RALGPS1: variants seen among roughly 807,000 people sequenced by gnomAD.
The protein encoded by RALGPS1 is Ral GEF with PH domain and SH3 binding motif 1.
In RALGPS1, 19 loss-of-function variants were observed where a neutral mutation model predicts 78.8. The observed-to-expected ratio is 0.24, with a 90% CI of 0.17 to 0.35. RALGPS1 has a LOEUF of 0.35. RALGPS1 is among the 10% of genes least tolerant of loss of function. The pLI, the probability that RALGPS1 is intolerant of heterozygous loss-of-function variation, is 1.00. For synonymous variants in RALGPS1, 228 were observed against 256.3 expected, an observed-to-expected ratio of 0.89 and a Z score of 1.06; for missense variants, 454 against 688.3, an observed-to-expected ratio of 0.66 and a Z score of 3.81.
intron 8 of RALGPS1, among the ~76,000 whole-genome samples, chr9:127,097,576 G>T (rs2053275494): frequency 6.6e-6 from 1 of 152,226 alleles, no homozygotes; most frequent in African/African-American, 2.4e-5. Flanking sequence ...ATGAAAATTA[G>T]TCAGAAAAAG....
intron 4 of RALGPS1, among the ~76,000 whole-genome samples, chr9:127,010,879 T>G (rs1459863471): frequency 6.6e-6 from 1 of 152,232 alleles, no homozygotes; most frequent in African/African-American, 2.4e-5. Context: ...GAGAGCTCAT[T>G]CTACAGTTTT....
chr9:127,086,590 C>A (rs1589386904), intron 8 of RALGPS1, among the ~76,000 whole-genome samples: 1 of 152,152 alleles, frequency 6.6e-6, no homozygotes, highest in Non-Finnish European at 1.5e-5. Context: ...TAGCATAGCA[C>A]GAATATTCTG....
chr9:127,200,126 T>C lies in RALGPS1; in HGVS notation c.1247+1060T>C, dbSNP rs549095943. Among the ~76,000 whole-genome samples, 3 of 152,102 alleles carry C rather than the reference T, an allele frequency of 2.0e-5. No individual in the cohort carries two copies. The South Asian group carries it at 6.2e-4, about 32-fold the overall frequency. On this transcript the variant is annotated intron_variant, in intron 14 of 18. Coordinates refer to ENST00000259351, the MANE Select transcript of RALGPS1 (RefSeq NM_014636.3). ...TGCATGCATGTACCCTCTCACACAT[T>C]TGTGTGCATAAACACTCATATGCAT...
intron 1 of RALGPS1, among the ~76,000 whole-genome samples, chr9:126,958,142 A>ATAAATATATATATATATATATATATATAT (rs1554765217): frequency 1.3e-5 from 1 of 77,082 alleles, no homozygotes; most frequent in African/African-American, 4.1e-5. Context: ...AAAAAAAAAA[A>ATAAATATATATATATATATATATATATAT]ATATATATAT....
intron 8 of RALGPS1, among the ~76,000 whole-genome samples, chr9:127,086,228 C>T (rs1273777697): frequency 6.6e-6 from 1 of 152,208 alleles, no homozygotes; most frequent in Non-Finnish European, 1.5e-5. Flanking sequence ...TATGGTTATG[C>T]CACTTGGTCA....
At chr9:127,196,141 C>A (rs1008971267) in intron 12 of RALGPS1, among the ~76,000 whole-genome samples, 1 of 152,250 alleles carries the variant, frequency 6.6e-6, no homozygotes, top group African/African-American at 2.4e-5. Context: ...ACTCCAGGAG[C>A]AGACATCCTG....
chr9:127,194,974 C>CTGGGCCAGT (rs2061273996), intron 11 of RALGPS1, 117 bp from the exon 12 acceptor site: 1 of 1,247,562 alleles, frequency 8.0e-7, no homozygotes. Context: ...CCTGTGACAG[C>CTGGGCCAGT]TGGGCCAGTT....
chr9:127,214,340 T>C (rs3780320), intron 17 of RALGPS1, among the ~76,000 whole-genome samples: 6 of 152,386 alleles, frequency 3.9e-5, no homozygotes, highest in Admixed American at 1.3e-4. Context: ...ATGTCACTTA[T>C]GCTCATCTCT....
At chr9:127,034,635 CAT>C in intron 5 of RALGPS1, 121 bp downstream of exon 5, 1 of 798,072 alleles carries the variant, frequency 1.3e-6, no homozygotes. Context: ...TCCAGCTTCT[CAT>C]ATGAGTCCCC....
chr9:126,959,130 C>T (rs2038646990), intron 1 of RALGPS1, among the ~76,000 whole-genome samples: 1 of 150,136 alleles, frequency 6.7e-6, no homozygotes, highest in African/African-American at 2.5e-5. Context: ...TGTGCAATCT[C>T]TGCTCACTGC....
At chr9:126,941,325 T>C (rs1031145033) in intron 1 of RALGPS1, among the ~76,000 whole-genome samples, 2 of 152,200 alleles carry the variant, frequency 1.3e-5, no homozygotes, top group Non-Finnish European at 2.9e-5. Context: ...CTGGATTGTT[T>C]GTAACACAAA....
chr9:127,182,464 C>G (rs556089258), intron 11 of RALGPS1, among the ~76,000 whole-genome samples: 1 of 141,066 alleles, frequency 7.1e-6, no homozygotes, highest in Non-Finnish European at 1.5e-5. Context: ...GAGTCTCGCT[C>G]TGTCACCCAG....
intron 11 of RALGPS1, among the ~76,000 whole-genome samples, chr9:127,187,838 T>C (rs1186925888): frequency 1.3e-5 from 2 of 152,168 alleles, no homozygotes. Flanking sequence ...ACGAGATGTT[T>C]CCTTTGGAAC....
chr9:126,953,445 C>T (rs1429225271), intron 1 of RALGPS1, among the ~76,000 whole-genome samples: 2 of 152,002 alleles, frequency 1.3e-5, no homozygotes, highest in East Asian at 1.9e-4. Context: ...GAAAGAATGG[C>T]GTTTTTGGTG....
In RALGPS1 at chr9:127,204,035, C is replaced by CCA. The variant is rs1031619833; in HGVS notation, c.1247+4971_1247+4972dup. On this transcript the variant is annotated intron_variant, in intron 14 of 18. Transcript: ENST00000259351. ...CATGCGGGGGGACCTGAAGTTAGGA[C>CCA]CACTGATCCTCCCAGGTCCTTGGGC... 1.1e-4 allele frequency among the ~76,000 whole-genome samples: 17 copies of CCA among 152,316 alleles called. 1 individual carries two copies. The South Asian group carries it at 2.7e-3, about 24-fold the overall frequency.
chr9:127,116,253 G>A (rs1407272603), intron 8 of RALGPS1, among the ~76,000 whole-genome samples: 1 of 152,060 alleles, frequency 6.6e-6, no homozygotes. Flanking sequence ...TGCCATTGGT[G>A]AATTGCTGGC....
At chr9:127,110,028 TC>T (rs1489440972) in intron 8 of RALGPS1, among the ~76,000 whole-genome samples, 3 of 152,210 alleles carry the variant, frequency 2.0e-5, no homozygotes, top group Non-Finnish European at 2.9e-5. Context: ...TACGGTTTTT[TC>T]TCTCAACTTA....
chr9:127,021,000 G>A (rs2134165009), intron 4 of RALGPS1, among the ~76,000 whole-genome samples: 1 of 152,306 alleles, frequency 6.6e-6, no homozygotes, highest in South Asian at 2.1e-4. Context: ...CACTTAGAAA[G>A]TGTCCTCAGT....
At chr9:127,060,596 C>G (rs2049127836) in intron 7 of RALGPS1, among the ~76,000 whole-genome samples, 1 of 152,068 alleles carries the variant, frequency 6.6e-6, no homozygotes, top group African/African-American at 2.4e-5. Flanking sequence ...GCAGAGGCTT[C>G]CATCCTTGTA....
Sources: allele counts gnomAD v4.1 joint callset (sites outside exome capture counted in the v4.1 genomes callset), GRCh38; gene constraint gnomAD v4.1.1; transcripts MANE v1.5; gene names NCBI Gene and HGNC (gene_info 2026-07-23, HGNC 2026-07-21).